The following TECPR2 variants were observed in gnomAD, a reference collection of about 807,000 sequenced individuals.
The protein encoded by TECPR2 is tectonin beta-propeller repeat containing 2.
In TECPR2, 65 loss-of-function variants were observed where a neutral mutation model predicts 138.1. The ratio of observed to expected loss-of-function variants is 0.47; its 90% CI spans 0.39 to 0.58. TECPR2 has a LOEUF of 0.58. Among genes scored for constraint, TECPR2 ranks in the 20% least tolerant of loss-of-function variants. TECPR2 has a pLI of 0.00. For synonymous variants in TECPR2, 746 were observed against 749.8 expected (o/e 0.99, Z 0.08); for missense variants, 1,553 against 1,824.5 (o/e 0.85, Z 2.71).
intron 5 of TECPR2, among the ~76,000 whole-genome samples, chr14:102,418,530 C>G (rs985418394): frequency 3.9e-5 from 6 of 152,198 alleles, no homozygotes; most frequent in African/African-American, 1.4e-4. Flanking sequence ...GGCAGAGGGC[C>G]CTGCGCACCG....
chr14:102,490,903 G>T (rs981257192), intron 17 of TECPR2, among the ~76,000 whole-genome samples: 16 of 151,498 alleles, frequency 1.1e-4, no homozygotes, highest in Admixed American at 2.6e-4. Context: ...GTTTTTTTGG[G>T]TTTTTTTTGA....
intron 17 of TECPR2, among the ~76,000 whole-genome samples, chr14:102,475,297 C>T (rs1401688445): frequency 5.3e-5 from 8 of 152,176 alleles, no homozygotes; most frequent in Non-Finnish European, 1.0e-4. Flanking sequence ...CACCCTTGCC[C>T]AGGGTGCAGA....
intron 2 of TECPR2, among the ~76,000 whole-genome samples, chr14:102,404,788 G>A (rs866498660): frequency 1.3e-5 from 2 of 151,558 alleles, no homozygotes; most frequent in African/African-American, 4.8e-5. Context: ...TAGCCAGGCT[G>A]GTCTGGAACT....
intron 17 of TECPR2, among the ~76,000 whole-genome samples, chr14:102,492,223 G>A (rs904486105): frequency 1.3e-5 from 2 of 152,344 alleles, no homozygotes; most frequent in South Asian, 2.1e-4. Flanking sequence ...CTCCTGGGCT[G>A]TCTGCAGGCT....
intron 2 of TECPR2, among the ~76,000 whole-genome samples, chr14:102,399,993 T>C (rs1888430133): frequency 6.6e-6 from 1 of 152,010 alleles, no homozygotes. Context: ...AAAATTAGTC[T>C]AAAAGCTAGT....
At position 102,382,288 on chromosome 14, in the gene TECPR2, C is replaced by T. The variant is rs118100777; in HGVS notation, c.219+5348C>T. On this transcript the variant is annotated intron_variant, in intron 2 of 19. Coordinates refer to ENST00000359520, the MANE Select transcript of TECPR2 (RefSeq NM_014844.5). ...AGCCTGGGCAATGAGAGTGAAACTCCGTCCCAAAAAAAAAAAAGAAAGAAA... is the reference window on the plus strand; with the variant it reads ...AGCCTGGGCAATGAGAGTGAAACTCTGTCCCAAAAAAAAAAAAGAAAGAAA... 2.5e-3 allele frequency among the ~76,000 whole-genome samples: 372 copies of T among 150,040 alleles called. 12 individuals carry two copies. In the East Asian group the frequency reaches 0.048, roughly 19 times the overall value.
chr14:102,477,229 G>C (rs1274632889), intron 17 of TECPR2, among the ~76,000 whole-genome samples: 1 of 152,166 alleles, frequency 6.6e-6, no homozygotes, highest in Admixed American at 6.5e-5. Flanking sequence ...AGTCAGCTGA[G>C]TGTGGTGGTG....
intron 17 of TECPR2, among the ~76,000 whole-genome samples, chr14:102,484,366 G>C (rs910513543): frequency 6.6e-6 from 1 of 152,172 alleles, no homozygotes. Flanking sequence ...TATGTCCCAA[G>C]TTGTGTGTTT....
chr14:102,467,197 G>A (rs1214860010), intron 17 of TECPR2, among the ~76,000 whole-genome samples: 3 of 152,218 alleles, frequency 2.0e-5, no homozygotes, highest in South Asian at 4.1e-4. Flanking sequence ...AAGTGGAATT[G>A]CAGGTCATGT....
chr14:102,432,016 G>A lies in TECPR2; in HGVS notation c.1305G>A (p.Lys435=). Residue 435 remains lysine (K), a synonymous_variant, in exon 8 of 20, where the codon AAG becomes AAA. Transcript: ENST00000359520. ...PGLQATPELG[K]GSQPLSQRFN... is the part of the protein sequence containing the mutation. ...TCCAGGCCACCCCTGAGCTGGGCAA[G>A]GGCAGCCAGCCCCTGTCACAGAGAT... The A allele has an allele frequency of 6.2e-7, 1 of 1,612,918 alleles. No homozygotes were observed. The highest frequency in any genetic ancestry group is 8.5e-7 in the Non-Finnish European group (1 of 1,179,962).
In TECPR2 at chr14:102,499,078, C is replaced by T; in HGVS notation, c.*821C>T. 2 of 702,874 alleles carry T rather than the reference C, an allele frequency of 2.8e-6. No individual in the cohort carries two copies. The highest frequency in any genetic ancestry group is 5.4e-5 in the East Asian group (2 of 37,276). The allele number at this position is 702,874 out of a possible 1,614,324, so 43.5% of individuals were successfully genotyped here. On this transcript the variant is annotated 3_prime_UTR_variant, in exon 20 of 20. Transcript: ENST00000359520. Reference sequence around the variant, plus strand: ...CCTCACTGCCCACACACGGCGCAGGCTGCCCGCCTCCTGGAGAGCACACTT... The same window carrying T: ...CCTCACTGCCCACACACGGCGCAGGTTGCCCGCCTCCTGGAGAGCACACTT...
chr14:102,409,901 T>A (rs1291571060), intron 4 of TECPR2, among the ~76,000 whole-genome samples: 1 of 151,918 alleles, frequency 6.6e-6, no homozygotes, highest in African/African-American at 2.4e-5. Context: ...GCCTCCCGGG[T>A]TCAAGGGATT....
At chr14:102,465,837 T>G (rs1373764275) in intron 17 of TECPR2, among the ~76,000 whole-genome samples, 1 of 152,120 alleles carries the variant, frequency 6.6e-6, no homozygotes, top group African/African-American at 2.4e-5. Context: ...CAAGGAGAAG[T>G]CTGATTTGAA....
chr14:102,435,216 G>A lies in TECPR2; in HGVS notation c.2394+5G>A. Reference sequence around the variant, plus strand: ...GGGCTGCTCAAGCCAGATCAGGTATGTGGGTTCGGGTGGTGGGAAAAGTAG... The same window carrying A: ...GGGCTGCTCAAGCCAGATCAGGTATATGGGTTCGGGTGGTGGGAAAAGTAG... On this transcript the variant is annotated splice_donor_5th_base_variant and intron_variant, in intron 9 of 19. Coordinates refer to ENST00000359520, the MANE Select transcript of TECPR2 (RefSeq NM_014844.5). 6.3e-7 allele frequency: 1 copy of A among 1,581,028 alleles called. No individual in the cohort carries two copies. Among genetic ancestry groups the A allele is most frequent in the African/African-American group, 1.4e-5 (1 of 74,070 alleles).
At chr14:102,428,157 T>TGA (rs1889374694) in intron 6 of TECPR2, 93 bp from the exon 7 acceptor site, 1 of 1,414,574 alleles carries the variant, frequency 7.1e-7, no homozygotes, top group African/African-American at 1.5e-5. Context: ...ATTTGACTGA[T>TGA]TTGGACTCTC....
At chr14:102,491,220 A>G (rs896896502) in intron 17 of TECPR2, among the ~76,000 whole-genome samples, 1 of 151,778 alleles carries the variant, frequency 6.6e-6, no homozygotes, top group African/African-American at 2.4e-5. Flanking sequence ...TTTTACTTTT[A>G]TTTTGTTTAT....
At position 102,392,646 on chromosome 14, in the gene TECPR2, G is replaced by C. The variant is rs199874607; in HGVS notation, c.220-14692G>C. ...GGGTTGTTCAGTGCTGTTATGGCTT[G>C]TTTTACTTGACTCATTCATGGGCCT... is the stretch of plus-strand genomic sequence containing the variant. On this transcript the variant is annotated intron_variant, in intron 2 of 19. Transcript: ENST00000359520. Among the ~76,000 whole-genome samples, 131 of 151,952 alleles carry C rather than the reference G, an allele frequency of 8.6e-4. 1 individual carries two copies. The highest frequency in any genetic ancestry group is 3.1e-3 in the African/African-American group (127 of 41,504).
chr14:102,439,233 A>T (rs1889765430), intron 10 of TECPR2, among the ~76,000 whole-genome samples: 1 of 152,094 alleles, frequency 6.6e-6, no homozygotes, highest in Non-Finnish European at 1.5e-5. Flanking sequence ...TTTTGCCTTG[A>T]AGCAGCCTGG....
intron 5 of TECPR2, among the ~76,000 whole-genome samples, chr14:102,421,849 A>G (rs1345814174): frequency 1.3e-5 from 2 of 152,144 alleles, no homozygotes; most frequent in East Asian, 1.9e-4. Flanking sequence ...CATACCCACT[A>G]GGTGTCAGGG....
Sources: gnomAD v4.1 joint callset for allele counts (sites outside exome capture counted in the v4.1 genomes callset) on GRCh38, gnomAD v4.1.1 for gene constraint, MANE v1.5 for transcripts, NCBI Gene and HGNC (gene_info 2026-07-23, HGNC 2026-07-21) for gene names.